APBB2: variants seen among roughly 807,000 people sequenced by gnomAD.
The protein encoded by APBB2 is Fe65-like 1.
APBB2 carries 38 observed loss-of-function variants against 82.5 expected under a neutral mutation model. The observed-to-expected ratio is 0.46, with a 90% confidence interval of 0.36 to 0.60. The LOEUF is 0.60. APBB2 is among the 20% of genes least tolerant of loss of function. APBB2 has a pLI of 0.00. For synonymous variants in APBB2, 341 were observed against 368.2 expected (o/e 0.93, Z 0.85); for missense variants, 772 against 972.3 (o/e 0.79, Z 2.74).
intron 6 of APBB2, among the ~76,000 whole-genome samples, chr4:40,980,040 G>A (rs1185674818): frequency 6.6e-6 from 1 of 152,066 alleles, no homozygotes; most frequent in Non-Finnish European, 1.5e-5. Flanking sequence ...CTTTTCTTTT[G>A]GAGACGGAGT....
chr4:41,096,244 T>C (rs1041430664), intron 3 of APBB2, among the ~76,000 whole-genome samples: 1 of 152,230 alleles, frequency 6.6e-6, no homozygotes, highest in African/African-American at 2.4e-5. Context: ...AGGAAGATAC[T>C]GCAGGGCTTT....
intron 15 of APBB2, among the ~76,000 whole-genome samples, chr4:40,824,943 G>A (rs1293002826): frequency 1.3e-5 from 2 of 152,132 alleles, no homozygotes; most frequent in Non-Finnish European, 2.9e-5. Context: ...TATTTTGGGC[G>A]TTTCATATGA....
intron 6 of APBB2, among the ~76,000 whole-genome samples, chr4:41,010,253 G>A (rs973868990): frequency 2.0e-5 from 3 of 152,052 alleles, no homozygotes; most frequent in African/African-American, 4.8e-5. Context: ...ATTGCTTTTC[G>A]GTCACAGCTA....
chr4:41,005,550 G>A (rs1167851560), intron 6 of APBB2, among the ~76,000 whole-genome samples: 1 of 152,088 alleles, frequency 6.6e-6, no homozygotes, highest in East Asian at 1.9e-4. Flanking sequence ...AATCTTGGGG[G>A]CTGCATGCCC....
At chr4:40,872,847 AGGCT>A (rs1196967301) in intron 12 of APBB2, among the ~76,000 whole-genome samples, 7 of 151,952 alleles carry the variant, frequency 4.6e-5, no homozygotes, top group African/African-American at 1.7e-4. Context: ...GCACTTTGGG[AGGCT>A]GAGGCGGGTG....
chr4:40,844,537 G>A (rs1319361732), intron 12 of APBB2, among the ~76,000 whole-genome samples: 3 of 152,240 alleles, frequency 2.0e-5, no homozygotes, highest in African/African-American at 4.8e-5. Context: ...TCACCTGGGG[G>A]AGTGGCAGGG....
In APBB2 at chr4:40,814,730, G is replaced by C. The variant is rs758318716; in HGVS notation, c.*1362C>G. Reference sequence around the variant, plus strand: ...AGCAACTTCCTTTTAAAACGACAATGTCAACGAGAGTCTAAATTTGTATGT... The same window carrying C: ...AGCAACTTCCTTTTAAAACGACAATCTCAACGAGAGTCTAAATTTGTATGT... On this transcript the variant is annotated 3_prime_UTR_variant, in exon 18 of 18. Coordinates refer to ENST00000508593, the MANE Select transcript of APBB2 (RefSeq NM_004307.2). The C allele has an allele frequency of 1.8e-4, 28 of 152,196 alleles. No homozygotes were observed. The highest frequency in any genetic ancestry group is 3.5e-4 in the Non-Finnish European group (24 of 68,036). 9.4% of individuals were successfully genotyped at this position (152,196 alleles called of 1,614,324 possible).
At chr4:41,156,732 A>G (rs770095492) in intron 1 of APBB2, among the ~76,000 whole-genome samples, 1 of 152,038 alleles carries the variant, frequency 6.6e-6, no homozygotes, top group Non-Finnish European at 1.5e-5. Context: ...TGATCTTAAG[A>G]CTCATCATTT....
chr4:41,167,553 T>C (rs1437786137), intron 1 of APBB2, among the ~76,000 whole-genome samples: 1 of 152,172 alleles, frequency 6.6e-6, no homozygotes, highest in Non-Finnish European at 1.5e-5. Flanking sequence ...TATCACAGAC[T>C]AAATGTACAA....
At chr4:40,901,418 C>A (rs1578292810) in intron 10 of APBB2, among the ~76,000 whole-genome samples, 1 of 147,998 alleles carries the variant, frequency 6.8e-6, no homozygotes, top group Admixed American at 6.8e-5. Flanking sequence ...TGGTGGGGGA[C>A]AGGGAGAGAT....
intron 12 of APBB2, among the ~76,000 whole-genome samples, chr4:40,855,921 A>G (rs1001845880): frequency 6.6e-6 from 1 of 152,184 alleles, no homozygotes; most frequent in African/African-American, 2.4e-5. Flanking sequence ...TTACAAACAC[A>G]TTCTGCTTCT....
At chr4:40,913,685 CT>C (rs1164124711) in intron 10 of APBB2, among the ~76,000 whole-genome samples, 1 of 152,196 alleles carries the variant, frequency 6.6e-6, no homozygotes, top group East Asian at 1.9e-4. Context: ...TGACATTCCC[CT>C]ATCTTGTTTC....
intron 1 of APBB2, chr4:41,193,588 T>C: frequency 1.4e-5 from 14 of 983,468 alleles, no homozygotes; most frequent in Non-Finnish European, 1.7e-5. Flanking sequence ...TTTTTGTCAG[T>C]GAGCTTAACA....
At chr4:41,004,111 G>T (rs1056542613) in intron 6 of APBB2, among the ~76,000 whole-genome samples, 1 of 151,544 alleles carries the variant, frequency 6.6e-6, no homozygotes, top group African/African-American at 2.4e-5. Flanking sequence ...TAGACACAGG[G>T]TTTCACCATG....
At chr4:40,844,978 T>C (rs1757057960) in intron 12 of APBB2, among the ~76,000 whole-genome samples, 3 of 152,374 alleles carry the variant, frequency 2.0e-5, no homozygotes, top group South Asian at 2.1e-4. Context: ...ATAATTATTA[T>C]TGTAGTCTTG....
chr4:41,069,624 T>A (rs889701616), intron 3 of APBB2, among the ~76,000 whole-genome samples: 1 of 152,222 alleles, frequency 6.6e-6, no homozygotes, highest in African/African-American at 2.4e-5. Context: ...GCCTACTAAC[T>A]GGAACACTCA....
At chr4:41,036,492 G>A (rs1044380788) in intron 4 of APBB2, among the ~76,000 whole-genome samples, 6 of 152,178 alleles carry the variant, frequency 3.9e-5, no homozygotes, top group African/African-American at 1.4e-4. Flanking sequence ...CATTATGCTA[G>A]GAGCAGGGGA....
At chr4:40,846,019 T>G (rs1431175487) in intron 12 of APBB2, among the ~76,000 whole-genome samples, 2 of 6,802 alleles carry the variant, frequency 2.9e-4, no homozygotes, top group African/African-American at 9.9e-4. Context: ...GAGTGGGGTG[T>G]GTGTGTGTGT....
chr4:40,930,446 T>C (rs138190605), intron 10 of APBB2, among the ~76,000 whole-genome samples: 187 of 81,360 alleles, frequency 2.3e-3, no homozygotes, highest in African/African-American at 9.7e-3. Flanking sequence ...TGTGTGTGTG[T>C]GTGCGCGCGC....
Sources: allele counts gnomAD v4.1 joint callset (sites outside exome capture counted in the v4.1 genomes callset), GRCh38; gene constraint gnomAD v4.1.1; transcripts MANE v1.5; gene names NCBI Gene and HGNC (gene_info 2026-07-23, HGNC 2026-07-21).